EXOC2: variants seen among roughly 807,000 people sequenced by gnomAD.
EXOC2 encodes exocyst complex component 2, also known as SEC5-like 1.
Under a neutral mutation model 131.8 loss-of-function variants are expected in EXOC2, and 70 were observed. The ratio of observed to expected loss-of-function variants is 0.53; its 90% CI spans 0.44 to 0.65. EXOC2 has a LOEUF of 0.65. EXOC2 is among the 30% of genes least tolerant of loss of function. EXOC2 has a pLI of 0.00. For missense variants in EXOC2, 923 were observed against 1,108.6 expected (o/e 0.83, Z 2.38); for synonymous variants, 411 against 398.4 (o/e 1.03, Z -0.38).
intron 26 of EXOC2, among the ~76,000 whole-genome samples, chr6:489,252 C>G (rs1024438351): frequency 6.6e-6 from 1 of 152,062 alleles, no homozygotes. Flanking sequence ...GTCAGAAAAA[C>G]TCAAATAGGA....
In EXOC2 at chr6:512,894, A is replaced by C. The variant is rs181544415; in HGVS notation, c.2381-13194T>G. Among the ~76,000 whole-genome samples the C allele has an allele frequency of 7.2e-5, 11 of 152,360 alleles. No homozygotes were observed. The East Asian group carries it at 1.9e-3, about 27-fold the overall frequency. On this transcript the variant is annotated intron_variant, in intron 23 of 27. Transcript: ENST00000230449. ...ATACAAGAATGTATGTGAAAGCAGT[A>C]AGTAAACTGTAAAATATTTTCATTT...
chr6:630,686 G>A (rs1370037911), intron 3 of EXOC2, among the ~76,000 whole-genome samples: 2 of 152,116 alleles, frequency 1.3e-5, no homozygotes, highest in African/African-American at 2.4e-5. Flanking sequence ...GAATAGTTAT[G>A]CAAAAATAAT....
At chr6:589,151 C>T (rs1214686466) in intron 11 of EXOC2, among the ~76,000 whole-genome samples, 4 of 152,234 alleles carry the variant, frequency 2.6e-5, no homozygotes, top group African/African-American at 9.6e-5. Flanking sequence ...CTATCTGTAT[C>T]CAGTGAATAT....
At chr6:544,259 A>G (rs2473489) in intron 22 of EXOC2, among the ~76,000 whole-genome samples, 29,310 of 152,108 alleles carry the variant, frequency 0.19, 3,819 homozygotes, top group African/African-American at 0.37. Context: ...GCTTTGTGAA[A>G]CCTTTTCTCA....
At chr6:509,456 T>G (rs1223280207) in intron 23 of EXOC2, among the ~76,000 whole-genome samples, 2 of 152,218 alleles carry the variant, frequency 1.3e-5, no homozygotes, top group Middle Eastern at 3.2e-3. Flanking sequence ...ACTTGGATTC[T>G]CTGATTACTG....
At chr6:633,618 T>C (rs967402082) in intron 2 of EXOC2, among the ~76,000 whole-genome samples, 4 of 152,204 alleles carry the variant, frequency 2.6e-5, no homozygotes, top group Non-Finnish European at 5.9e-5. Context: ...TGAACTAAAG[T>C]AGGTTTTTTA....
chr6:524,046 T>C (rs1048235333), intron 23 of EXOC2: 2 of 152,176 alleles, frequency 1.3e-5, no homozygotes, highest in East Asian at 3.8e-4. Flanking sequence ...AACTTGAAGT[T>C]TGATTATGTT....
At chr6:623,692 T>A (rs1250387073) in intron 4 of EXOC2, among the ~76,000 whole-genome samples, 1 of 152,134 alleles carries the variant, frequency 6.6e-6, no homozygotes, top group Non-Finnish European at 1.5e-5. Flanking sequence ...TGGGGAGAGA[T>A]CAACCACCAT....
rs551987587 is a variant in EXOC2 at position 639,242 on chromosome 6, C to T, written c.-43-1381G>A. The stretch of plus-strand genomic sequence containing the variant: ...TTGGGGTAAACCTGTGCAGCAAAGC[C>T]GTGGGACTCAGGCTGCCTCCCTTCT... On this transcript the variant is annotated intron_variant, in intron 1 of 27. Transcript: ENST00000230449. 2.6e-5 allele frequency among the ~76,000 whole-genome samples: 4 copies of T among 152,272 alleles called. No homozygotes were observed. In the East Asian group the frequency reaches 5.8e-4, roughly 22 times the overall value.
intron 1 of EXOC2, among the ~76,000 whole-genome samples, chr6:692,375 G>C (rs1463156828): frequency 1.3e-5 from 2 of 152,206 alleles, no homozygotes; most frequent in Non-Finnish European, 2.9e-5. Context: ...CAGGCTTCCA[G>C]GCTGCTGGTG....
intron 1 of EXOC2, among the ~76,000 whole-genome samples, chr6:684,031 T>C (rs1475464078): frequency 3.3e-5 from 5 of 151,992 alleles, no homozygotes; most frequent in African/African-American, 1.2e-4. Flanking sequence ...TAAACAGTGT[T>C]GCTCTCTCTC....
At chr6:494,775 C>T (rs1158397487) in intron 25 of EXOC2, among the ~76,000 whole-genome samples, 1 of 152,140 alleles carries the variant, frequency 6.6e-6, no homozygotes, top group African/African-American at 2.4e-5. Context: ...GTAATTTATT[C>T]TCTTTAATGT....
intron 1 of EXOC2, among the ~76,000 whole-genome samples, chr6:647,555 G>C (rs1762630832): frequency 7.2e-6 from 1 of 138,196 alleles, no homozygotes; most frequent in South Asian, 2.8e-4. Flanking sequence ...TAAGAGTCTA[G>C]TATCCTCTTC....
At chr6:550,746 G>A (rs1211149359) in intron 21 of EXOC2, among the ~76,000 whole-genome samples, 6 of 152,208 alleles carry the variant, frequency 3.9e-5, no homozygotes, top group Admixed American at 3.9e-4. Context: ...GTCCCTGTAA[G>A]GACAAGGAGT....
rs571118831 is a variant in EXOC2, at chr6:612,297, C to T, written c.662-2119G>A. Among the ~76,000 whole-genome samples, 8 of 152,362 alleles carry T rather than the reference C, an allele frequency of 5.3e-5. No homozygotes were observed. In the South Asian group the frequency reaches 1.7e-3, roughly 32 times the overall value. On this transcript the variant is annotated intron_variant, in intron 6 of 27. Transcript: ENST00000230449. ...AACACAGCCATGCTTAGCTCCCGGC[C>T]TGTACAAAGGCTGTGGCCTAATTTG...
At chr6:536,134 CTATT>C (rs1300085917) in intron 22 of EXOC2, among the ~76,000 whole-genome samples, 1 of 152,134 alleles carries the variant, frequency 6.6e-6, no homozygotes, top group Non-Finnish European at 1.5e-5. Context: ...CCTTTCACCA[CTATT>C]TCAAGATTAT....
chr6:610,949 C>CT (rs1187294774), intron 6 of EXOC2, among the ~76,000 whole-genome samples: 1 of 152,192 alleles, frequency 6.6e-6, no homozygotes, highest in Non-Finnish European at 1.5e-5. Context: ...GTTGAATTGT[C>CT]TTGGTTGACT....
chr6:644,124 T>A (rs6933777), intron 1 of EXOC2, among the ~76,000 whole-genome samples: 73,476 of 151,978 alleles, frequency 0.48, 19,372 homozygotes, highest in East Asian at 0.59. Flanking sequence ...CCTATATGAA[T>A]TATTTCAAAA....
rs1466476905 is a variant in EXOC2 at position 556,002 on chromosome 6, T to C, written c.1944A>G (p.Gln648=). The C allele has an allele frequency of 1.2e-6, 2 of 1,613,960 alleles. No individual in the cohort carries two copies. The highest frequency in any genetic ancestry group is 1.3e-5 in the African/African-American group (1 of 74,932). Reference sequence around the variant, plus strand: ...GGCAAACCTCCTCCTGTGTTTTAGGTTGTTGGAAGACCTGTAAGGAAGAAT... The same window carrying C: ...GGCAAACCTCCTCCTGTGTTTTAGGCTGTTGGAAGACCTGTAAGGAAGAAT... ...CKPGEASVFQ[Q]PKTQEEVCQL... The change falls in exon 19 of 28, where the codon CAA becomes CAG. Residue 648 remains glutamine, a synonymous_variant. Transcript: ENST00000230449.
Sources: allele counts gnomAD v4.1 joint callset (sites outside exome capture counted in the v4.1 genomes callset), GRCh38; gene constraint gnomAD v4.1.1; transcripts MANE v1.5; gene names NCBI Gene and HGNC (gene_info 2026-07-23, HGNC 2026-07-21).